CSMD3: variants seen among roughly 807,000 people sequenced by gnomAD.
The protein encoded by CSMD3 is CUB and sushi domain-containing protein 3.
In CSMD3, 177 loss-of-function variants were observed where a neutral mutation model predicts 435.2. That is an observed-to-expected ratio of 0.41 (90% CI 0.36 to 0.46). CSMD3 has a LOEUF of 0.46. Among genes scored for constraint, CSMD3 ranks in the 20% least tolerant of loss-of-function variants. The pLI is 0.34. For synonymous variants in CSMD3, 1,656 were observed against 1,520.5 expected, an observed-to-expected ratio of 1.09 and a Z score of -2.07; for missense variants, 4,265 against 4,504.6, an observed-to-expected ratio of 0.95 and a Z score of 1.52.
rs940282877 is a variant in CSMD3, at chr8:112,641,488, T to C, written c.3311-2577A>G. 5.3e-5 allele frequency among the ~76,000 whole-genome samples: 8 copies of C among 152,192 alleles called. No individual in the cohort carries two copies. In the South Asian group the frequency reaches 1.2e-3, roughly 24 times the overall value. On this transcript the variant is annotated intron_variant, in intron 20 of 70. Coordinates refer to ENST00000297405, the MANE Select transcript of CSMD3 (RefSeq NM_198123.2). ...ACAACTCAATATAGGAGCATAGAAA[T>C]AGAGGTAACTAATTTGTCAAAGGGG...
intron 32 of CSMD3, among the ~76,000 whole-genome samples, chr8:112,435,620 C>T (rs896440967): frequency 2.0e-5 from 3 of 151,974 alleles, no homozygotes; most frequent in African/African-American, 7.2e-5. Context: ...GGGTATGATG[C>T]AATAACTTAA....
intron 32 of CSMD3, among the ~76,000 whole-genome samples, chr8:112,449,960 C>T (rs748505941): frequency 6.6e-6 from 1 of 152,102 alleles, no homozygotes; most frequent in Non-Finnish European, 1.5e-5. Context: ...CTGACCTCAG[C>T]TTATCCACCC....
At chr8:112,265,659 A>G (rs1816877107) in intron 59 of CSMD3, 69 bp from the exon 60 acceptor site, 1 of 1,031,704 alleles carries the variant, frequency 9.7e-7, no homozygotes, top group Non-Finnish European at 1.5e-6. Context: ...AGTAGTAAGC[A>G]TATGGCATAC....
intron 1 of CSMD3, among the ~76,000 whole-genome samples, chr8:113,328,487 T>G (rs910636390): frequency 1.3e-5 from 2 of 151,488 alleles, no homozygotes; most frequent in African/African-American, 4.8e-5. Flanking sequence ...CTTATGACAT[T>G]TGAGGAAATA....
chr8:113,197,112 C>T (rs2092665929), intron 3 of CSMD3, among the ~76,000 whole-genome samples: 1 of 151,188 alleles, frequency 6.6e-6, no homozygotes, highest in South Asian at 2.1e-4. Context: ...ACCTCATATA[C>T]AGGCTGAGCA....
chr8:112,492,748 G>A (rs1164721264), intron 30 of CSMD3, 65 bp from the exon 31 acceptor site: 17 of 1,284,394 alleles, frequency 1.3e-5, no homozygotes, highest in African/African-American at 2.9e-5. Context: ...GTAATACATG[G>A]GTTCTGCATC....
intron 5 of CSMD3, among the ~76,000 whole-genome samples, chr8:113,032,829 A>C (rs2087173835): frequency 6.6e-6 from 1 of 151,478 alleles, no homozygotes; most frequent in Admixed American, 6.6e-5. Flanking sequence ...TAGGAGGAAA[A>C]AATGGCTTCC....
In CSMD3 at chr8:113,284,490, G is replaced by A. The variant is rs2093632582; in HGVS notation, c.402-5786C>T. Among the ~76,000 whole-genome samples, 4 of 152,112 alleles carry A rather than the reference G, an allele frequency of 2.6e-5. No homozygotes were observed. In the South Asian group the frequency reaches 6.2e-4, roughly 24 times the overall value. ...AGAGACTCTTGTTCAGAGAAAGTAAGTTTTCCCCATGTTAACCTCAAAAGT... is the reference window on the plus strand; with the variant it reads ...AGAGACTCTTGTTCAGAGAAAGTAAATTTTCCCCATGTTAACCTCAAAAGT... On this transcript the variant is annotated intron_variant, in intron 2 of 70. Transcript: ENST00000297405.
Position 112,516,889 on chromosome 8 carries a change from T to C in CSMD3, c.4756+145A>G, listed in dbSNP as rs1008316821. The C allele has an allele frequency of 4.7e-6, 3 of 643,638 alleles. No homozygotes were observed. In the African/African-American group the frequency reaches 5.5e-5, roughly 12 times the overall value. The allele number at this position is 643,638 out of a possible 1,614,324, so 39.9% of individuals were successfully genotyped here. A position where few individuals can be genotyped will look rare whatever the true frequency, so the allele number is the denominator to read the frequency against. ...AAAAATAATAATCATTTTACAATTTTGTACATTCTGCGGAGGTTAATAATC... is the reference window on the plus strand; with the variant it reads ...AAAAATAATAATCATTTTACAATTTCGTACATTCTGCGGAGGTTAATAATC... On this transcript the variant is annotated intron_variant, in intron 28 of 70. Coordinates refer to ENST00000297405, the MANE Select transcript of CSMD3 (RefSeq NM_198123.2).
At chr8:112,800,019 A>C in intron 13 of CSMD3, 143 bp downstream of exon 13, 1 of 660,992 alleles carries the variant, frequency 1.5e-6, no homozygotes, top group Non-Finnish European at 2.7e-6. Context: ...ATTTGTAGTT[A>C]AATTAAGGAG....
chr8:112,561,466 T>G (rs1289585397), intron 24 of CSMD3, among the ~76,000 whole-genome samples: 1 of 151,622 alleles, frequency 6.6e-6, no homozygotes, highest in African/African-American at 2.4e-5. Flanking sequence ...TTATTTGAAA[T>G]CTACAAAAAA....
rs376634149 is a variant in CSMD3 at position 112,859,222 on chromosome 8, T to C, written c.1678A>G (p.Thr560Ala). The change falls in exon 11 of 71, where the codon ACA becomes GCA. Residue 560 changes from threonine to alanine, a missense_variant. Thr to Ala is a moderately conservative substitution (Grantham distance 58, BLOSUM62 0). This residue lies in a region of CSMD3 where 731 missense variants were observed against 755.4 expected (regional missense o/e 0.97). Coordinates refer to ENST00000297405, the MANE Select transcript of CSMD3 (RefSeq NM_198123.2). ...SNLQGPSGTFTSPNFPFQYDS... is the reference protein window; with the variant it reads ...SNLQGPSGTFASPNFPFQYDS... ...TACTGGAACGGAAAGTTGGGAGATG[T>C]AAAGGTACCACTTGGTCCTTGAAGA... 4.3e-5 allele frequency: 70 copies of C among 1,611,188 alleles called. No individual in the cohort carries two copies. The highest frequency in any genetic ancestry group is 5.7e-5 in the Non-Finnish European group (67 of 1,177,788).
intron 45 of CSMD3, among the ~76,000 whole-genome samples, chr8:112,322,184 C>G (rs1343951377): frequency 6.6e-6 from 1 of 152,006 alleles, no homozygotes; most frequent in East Asian, 1.9e-4. Context: ...CATGCTAATC[C>G]TAAATTGTTT....
At chr8:112,781,821 A>G (rs2078395038) in intron 13 of CSMD3, among the ~76,000 whole-genome samples, 1 of 152,140 alleles carries the variant, frequency 6.6e-6, no homozygotes, top group South Asian at 2.1e-4. Flanking sequence ...CTTACCTAAG[A>G]CCACTAAGGC....
chr8:112,536,260 C>G (rs1245405735), intron 27 of CSMD3, among the ~76,000 whole-genome samples: 2 of 150,946 alleles, frequency 1.3e-5, no homozygotes, highest in South Asian at 2.1e-4. Flanking sequence ...AGAAAATTTT[C>G]GCAACCTACT....
chr8:112,822,716 G>C (rs1000968237), intron 12 of CSMD3, among the ~76,000 whole-genome samples: 2 of 152,078 alleles, frequency 1.3e-5, no homozygotes, highest in Admixed American at 1.3e-4. Context: ...TCTTGTGTCG[G>C]TTTTCACAGG....
chr8:113,255,601 C>T (rs1276665828), intron 3 of CSMD3, among the ~76,000 whole-genome samples: 1 of 151,920 alleles, frequency 6.6e-6, no homozygotes, highest in Non-Finnish European at 1.5e-5. Context: ...TGTGTATTAG[C>T]CTTGAATTGT....
intron 27 of CSMD3, among the ~76,000 whole-genome samples, chr8:112,539,790 T>C (rs1259907011): frequency 6.6e-6 from 1 of 152,062 alleles, no homozygotes; most frequent in Non-Finnish European, 1.5e-5. Context: ...CCTTAATCTA[T>C]GAAACTACCA....
intron 3 of CSMD3, among the ~76,000 whole-genome samples, chr8:113,186,140 G>C (rs556539127): frequency 6.6e-6 from 1 of 152,108 alleles, no homozygotes; most frequent in Non-Finnish European, 1.5e-5. Context: ...CACCTTCCAT[G>C]CATGGAAAAG....
Sources: allele counts gnomAD v4.1 joint callset (sites outside exome capture counted in the v4.1 genomes callset), GRCh38; gene constraint gnomAD v4.1.1; regional missense constraint gnomAD v4.1.1; transcripts MANE v1.5; gene names NCBI Gene and HGNC (gene_info 2026-07-23, HGNC 2026-07-21).